The following HUS1 variants were observed in gnomAD, a reference collection of about 807,000 sequenced individuals.
The protein encoded by HUS1 is checkpoint protein HUS1.
In HUS1, 31 loss-of-function variants were observed where a neutral mutation model predicts 32.6. The ratio of observed to expected loss-of-function variants is 0.95; its 90% CI spans 0.72 to 1.28. The LOEUF (loss-of-function observed/expected upper bound fraction) is 1.28, where lower values mean the gene tolerates loss of function less well. Ranked by LOEUF, HUS1 falls within the 50% of genes most tolerant of loss-of-function variation. The pLI, the probability that HUS1 is intolerant of heterozygous loss-of-function variation, is 0.00. For synonymous variants in HUS1, 123 were observed against 116.6 expected, an observed-to-expected ratio of 1.06 and a Z score of -0.36; for missense variants, 340 against 337.7, an observed-to-expected ratio of 1.01 and a Z score of -0.05.
Position 47,965,257 on chromosome 7 carries a change from TG to T in HUS1, c.*98del. 1.3e-6 allele frequency: 1 copy of T among 763,642 alleles called. No individual in the cohort carries two copies. Among genetic ancestry groups the T allele is most frequent in the Non-Finnish European group, 2.4e-6 (1 of 423,142 alleles). 47.3% of individuals were successfully genotyped at this position (763,642 alleles called of 1,614,324 possible). On this transcript the variant is annotated 3_prime_UTR_variant, in exon 8 of 8. Coordinates refer to ENST00000258774, the MANE Select transcript of HUS1 (RefSeq NM_004507.4). ...GACAAATAAGTACAGTGTGTCGATG[TG>T]CGGTGCTGTGAGGGCACAGACCAGT...
In HUS1 at chr7:47,965,345, G is replaced by A. The variant is rs1788455625; in HGVS notation, c.*11C>T. On this transcript the variant is annotated 3_prime_UTR_variant, in exon 8 of 8. Coordinates refer to ENST00000258774, the MANE Select transcript of HUS1 (RefSeq NM_004507.4). ...ACAAAGTCTCTGCATGCCAACTCCA[G>A]CGACAGGGTGCTAGGACAGCGCAGG... 1 of 1,600,892 alleles carries A rather than the reference G, an allele frequency of 6.2e-7. No homozygotes were observed.
At chr7:47,976,500 T>G (rs1048744922) in intron 4 of HUS1, 1 of 589,502 alleles carries the variant, frequency 1.7e-6, no homozygotes, top group Non-Finnish European at 3.2e-6. Context: ...ATTTGTGTTT[T>G]AAGTGATGTT....
chr7:47,978,427 G>C lies in HUS1; in HGVS notation c.347C>G (p.Ser116Cys). The C allele has an allele frequency of 6.2e-7, 1 of 1,613,914 alleles. No individual in the cohort carries two copies. Among genetic ancestry groups the C allele is most frequent in the Non-Finnish European group, 8.5e-7 (1 of 1,179,790 alleles). The stretch of plus-strand genomic sequence containing the variant: ...GACTCTCCTACTCACCAGCTCCACG[G>C]AGACCGTGAGGCAGGGAAAGTGTTT... ...TNKHFPCLTV[S>C]VELLSMSSSS... The change falls in exon 3 of 8, where the codon TCC becomes TGC. Residue 116 changes from serine to cysteine, a missense_variant. Coordinates refer to ENST00000258774, the MANE Select transcript of HUS1 (RefSeq NM_004507.4).
chr7:47,971,238 T>C, intron 5 of HUS1: 1 of 240,642 alleles, frequency 4.2e-6, no homozygotes, highest in Non-Finnish European at 8.4e-6. Flanking sequence ...AACATAGCCA[T>C]TTATTTAGAA....
In HUS1 at chr7:47,963,375, T is replaced by C. The variant is rs530841489; in HGVS notation, c.*1981A>G. ...ATTAAAATCTTCAAAATTATATGTA[T>C]TTGATAATAAACATCACATAGAGCA... On this transcript the variant is annotated 3_prime_UTR_variant, in exon 8 of 8. Coordinates refer to ENST00000258774, the MANE Select transcript of HUS1 (RefSeq NM_004507.4). The C allele has an allele frequency of 6.6e-6, 1 of 152,242 alleles. No homozygotes were observed. Among genetic ancestry groups the C allele is most frequent in the African/African-American group, 2.4e-5 (1 of 41,462 alleles). 9.4% of individuals were successfully genotyped at this position (152,242 alleles called of 1,614,324 possible).
intron 5 of HUS1, among the ~76,000 whole-genome samples, chr7:47,970,198 A>C (rs2128765176): frequency 7.3e-6 from 1 of 137,442 alleles, no homozygotes; most frequent in East Asian, 2.2e-4. Context: ...GCGCCACTGC[A>C]CTCCAGCCTG....
intron 7 of HUS1, among the ~76,000 whole-genome samples, chr7:47,967,430 C>T (rs1463449006): frequency 2.0e-5 from 3 of 152,146 alleles, no homozygotes; most frequent in Non-Finnish European, 4.4e-5. Context: ...CAAGCCAAAC[C>T]GTGTCTGGCA....
At chr7:47,970,937 T>C (rs983287655) in intron 5 of HUS1, among the ~76,000 whole-genome samples, 32 of 152,216 alleles carry the variant, frequency 2.1e-4, no homozygotes, top group Admixed American at 6.5e-4. Context: ...TGCTAGAGAA[T>C]AGGCTTTTAA....
rs749937055 is a variant in HUS1, at chr7:47,978,554, C to T, written c.220G>A (p.Ala74Thr). Residue 74 changes from alanine (A) to threonine (T), a missense_variant, in exon 3 of 8, where the codon GCA becomes ACA. Ala to Thr is a moderately conservative substitution (Grantham distance 58). Coordinates refer to ENST00000258774, the MANE Select transcript of HUS1 (RefSeq NM_004507.4). ...FNEFQMEGVS[A>T]ENNEIYLELT... ...TCTAAATAAATCTCATTGTTTTCTG[C>T]AGAGACACCCTCCATTTGAAATTCG... 1.4e-5 allele frequency: 23 copies of T among 1,614,162 alleles called. No individual in the cohort carries two copies. The highest frequency in any genetic ancestry group is 8.5e-6 in the Non-Finnish European group (10 of 1,180,006).
intron 4 of HUS1, chr7:47,976,407 G>A (rs1788705130): frequency 2.1e-6 from 1 of 469,246 alleles, no homozygotes; most frequent in African/African-American, 2.0e-5. Flanking sequence ...GACCGGCTGA[G>A]GAAAAGATCA....
Position 47,970,120 on chromosome 7 carries a change from C to G in HUS1, c.541-802G>C, listed in dbSNP as rs970385863. 2.0e-5 allele frequency among the ~76,000 whole-genome samples: 3 copies of G among 151,198 alleles called. No homozygotes were observed. The East Asian group carries it at 5.8e-4, about 29-fold the overall frequency. ...TGGTGGCGGGCGCCTGTAGTCCCAG[C>G]TACTCGGGAGGCTGAGGCAGGAGAA... On this transcript the variant is annotated intron_variant, in intron 5 of 7. Transcript: ENST00000258774.
chr7:47,978,192 C>T (rs1788747128), intron 3 of HUS1: 14 of 426,400 alleles, frequency 3.3e-5, no homozygotes, highest in East Asian at 1.1e-4. Context: ...GGAAGTTTCA[C>T]GGCTTGGAAA....
At position 47,963,389 on chromosome 7, in the gene HUS1, T is replaced by A. The variant is rs558433831; in HGVS notation, c.*1967A>T. The A allele has an allele frequency of 1.3e-5, 2 of 152,330 alleles. No individual in the cohort carries two copies. The highest frequency in any genetic ancestry group is 4.8e-5 in the African/African-American group (2 of 41,578). 9.4% of individuals were successfully genotyped at this position (152,330 alleles called of 1,614,324 possible). A position where few individuals can be genotyped will look rare whatever the true frequency, so the allele number is the denominator to read the frequency against. Reference sequence around the variant, plus strand: ...AATTATATGTATTTGATAATAAACATCACATAGAGCAAATGGTTAAGTCAC... The same window carrying A: ...AATTATATGTATTTGATAATAAACAACACATAGAGCAAATGGTTAAGTCAC... On this transcript the variant is annotated 3_prime_UTR_variant, in exon 8 of 8. Transcript: ENST00000258774.
chr7:47,968,615 C>T (rs1788530078), intron 6 of HUS1, among the ~76,000 whole-genome samples: 1 of 152,236 alleles, frequency 6.6e-6, no homozygotes, highest in Admixed American at 6.5e-5. Flanking sequence ...CCTTTACCTG[C>T]TTTCCTGCTC....
chr7:47,974,789 G>A (rs1023681442), intron 5 of HUS1, among the ~76,000 whole-genome samples: 2 of 152,080 alleles, frequency 1.3e-5, no homozygotes, highest in African/African-American at 4.8e-5. Flanking sequence ...GTAACATTTC[G>A]AGCCATGTGG....
intron 5 of HUS1, among the ~76,000 whole-genome samples, chr7:47,969,737 A>G (rs530840779): frequency 9.9e-5 from 15 of 152,140 alleles, no homozygotes; most frequent in Non-Finnish European, 1.9e-4. Context: ...AACTAAGCAG[A>G]ATGGGCACCT....
Position 47,978,686 on chromosome 7 carries a change from C to T in HUS1, c.180+3G>A. On this transcript the variant is annotated splice_donor_region_variant and intron_variant, in intron 2 of 7. Coordinates refer to ENST00000258774, the MANE Select transcript of HUS1 (RefSeq NM_004507.4). ...TGCAGGCCTCTCAGAAGCTTTTGCT[C>T]ACCTGTTCCAGCTCACACCACATGC... 1.2e-6 allele frequency: 2 copies of T among 1,614,068 alleles called. No homozygotes were observed. The highest frequency in any genetic ancestry group is 3.3e-4 in the Middle Eastern group (2 of 6,062).
intron 7 of HUS1, among the ~76,000 whole-genome samples, chr7:47,966,782 G>T (rs903295727): frequency 7.9e-5 from 12 of 152,070 alleles, no homozygotes; most frequent in Non-Finnish European, 8.8e-5. Context: ...ATATGACATC[G>T]TCCATGTCAA....
At position 47,978,724 on chromosome 7, in the gene HUS1, T is replaced by A; in HGVS notation, c.145A>T (p.Asn49Tyr). The change falls in exon 2 of 8, where the codon AAT (asparagine) becomes TAT (tyrosine). Residue 49 changes from asparagine (N) to tyrosine (Y), a missense_variant. Coordinates refer to ENST00000258774, the MANE Select transcript of HUS1 (RefSeq NM_004507.4). ...LNFILCDKLA[N>Y]GGVSMWCELE... ...TCACACCACATGCTCACTCCTCCAT[T>A]AGCCAGCTTGTCACAAAGGATGAAG... The A allele has an allele frequency of 6.2e-7, 1 of 1,614,222 alleles. No individual in the cohort carries two copies. The highest frequency in any genetic ancestry group is 8.5e-7 in the Non-Finnish European group (1 of 1,180,044).
Sources: gnomAD v4.1 joint callset for allele counts (sites outside exome capture counted in the v4.1 genomes callset) on GRCh38, gnomAD v4.1.1 for gene constraint, MANE v1.5 for transcripts, NCBI Gene and HGNC (gene_info 2026-07-23, HGNC 2026-07-21) for gene names.